ADAM19: variants seen among roughly 807,000 people sequenced by gnomAD.
ADAM19 encodes the protein ADAM metallopeptidase domain 19.
Under a neutral mutation model 114.7 loss-of-function variants are expected in ADAM19, and 65 were observed. That is an observed-to-expected ratio of 0.57 (90% CI 0.46 to 0.70). The LOEUF (loss-of-function observed/expected upper bound fraction) is 0.70. ADAM19 is among the 30% of genes least tolerant of loss of function. ADAM19 has a pLI of 0.00. For missense variants in ADAM19, 1,063 were observed against 1,204.7 expected (o/e 0.88, Z 1.74); for synonymous variants, 466 against 460.5 (o/e 1.01, Z -0.15).
At chr5:157,482,112 G>C (rs1754772711) in intron 21 of ADAM19, among the ~76,000 whole-genome samples, 169 bp from the exon 22 acceptor site, 1 of 152,250 alleles carries the variant, frequency 6.6e-6, no homozygotes, top group South Asian at 2.1e-4. Flanking sequence ...AGGAAGTCAG[G>C]AGAGCAAGCT....
chr5:157,534,425 G>A (rs1222169985), intron 4 of ADAM19, among the ~76,000 whole-genome samples: 8 of 152,140 alleles, frequency 5.3e-5, no homozygotes, highest in African/African-American at 7.2e-5. Flanking sequence ...TCAAGATTAC[G>A]CTACTGCACT....
intron 6 of ADAM19, 52 bp from the exon 7 acceptor site, chr5:157,518,940 T>G (rs754189150): frequency 1.3e-6 from 2 of 1,515,276 alleles, no homozygotes; most frequent in South Asian, 1.1e-5. Flanking sequence ...TTGGCCTCAT[T>G]TTTAAAAAAC....
chr5:157,549,992 A>C (rs1757145151), intron 3 of ADAM19, among the ~76,000 whole-genome samples: 1 of 152,262 alleles, frequency 6.6e-6, no homozygotes, highest in Non-Finnish European at 1.5e-5. Flanking sequence ...GTAGCCAGTC[A>C]AAAAGACCAC....
intron 11 of ADAM19, 60 bp downstream of exon 11, chr5:157,505,609 G>A (rs1447210001): frequency 6.4e-6 from 10 of 1,559,994 alleles, no homozygotes; most frequent in African/African-American, 1.4e-5. Flanking sequence ...GAACCCCTGG[G>A]TCACACTGTC....
In ADAM19 at chr5:157,575,765, G is replaced by A. The variant is rs1432035530; in HGVS notation, c.-69C>T. The A allele has an allele frequency of 1.7e-6, 2 of 1,174,954 alleles. No homozygotes were observed. The highest frequency in any genetic ancestry group is 3.2e-5 in the East Asian group (1 of 31,184). The allele number at this position is 1,174,954 out of a possible 1,614,324, so 72.8% of individuals were successfully genotyped here. On this transcript the variant is annotated 5_prime_UTR_variant, in exon 1 of 23. Coordinates refer to ENST00000257527, the MANE Select transcript of ADAM19 (RefSeq NM_033274.5). ...CATACCTGCCCACTGCCCGGCGGTG[G>A]AGGCGCGTCTGGAACCCCCCGGCTC...
chr5:157,499,770 T>TAA, intron 12 of ADAM19, 108 bp from the exon 13 acceptor site: 1 of 548,460 alleles, frequency 1.8e-6, no homozygotes, highest in Non-Finnish European at 3.2e-6. Context: ...CTAGCAACTA[T>TAA]CTCTTTTTTT....
At chr5:157,533,567 G>T (rs1756682498) in intron 4 of ADAM19, among the ~76,000 whole-genome samples, 1 of 152,184 alleles carries the variant, frequency 6.6e-6, no homozygotes, top group Non-Finnish European at 1.5e-5. Context: ...GGGGAGAAGA[G>T]GGGCCGGGCC....
chr5:157,518,943 T>TA (rs1561540649), intron 6 of ADAM19, 55 bp from the exon 7 acceptor site: 23 of 1,453,798 alleles, frequency 1.6e-5, no homozygotes, highest in Admixed American at 3.4e-5. Flanking sequence ...GCCTCATTTT[T>TA]AAAAAACTGC....
chr5:157,542,112 G>C (rs1390739766), intron 3 of ADAM19, among the ~76,000 whole-genome samples: 2 of 152,074 alleles, frequency 1.3e-5, no homozygotes, highest in Non-Finnish European at 2.9e-5. Flanking sequence ...TATTTCACCT[G>C]GAGGGTCTTC....
At chr5:157,483,597 G>A (rs1185271682) in intron 21 of ADAM19, among the ~76,000 whole-genome samples, 1 of 151,898 alleles carries the variant, frequency 6.6e-6, no homozygotes, top group Non-Finnish European at 1.5e-5. Context: ...CACTGGGATG[G>A]GGTGCAAAAG....
At position 157,480,959 on chromosome 5, in the gene ADAM19, G is replaced by A. The variant is rs779492239; in HGVS notation, c.2747C>T (p.Ser916Leu). The change falls in exon 23 of 23, where the codon TCG becomes TTG. Residue 916 changes from serine (S) to leucine (L), a missense_variant. Coordinates refer to ENST00000257527, the MANE Select transcript of ADAM19 (RefSeq NM_033274.5). Reference protein sequence around the residue: ...RSQRAGGMISSKI With the variant: ...RSQRAGGMISLKI ...GCCCCTTGGACAGGTCTAGATTTTC[G>A]AGCTAATCATCCCTCCAGCCCTCTG... is the stretch of plus-strand genomic sequence containing the variant. 1.2e-5 allele frequency: 19 copies of A among 1,613,912 alleles called. No individual in the cohort carries two copies. The highest frequency in any genetic ancestry group is 1.6e-4 in the Middle Eastern group (1 of 6,082).
intron 5 of ADAM19, among the ~76,000 whole-genome samples, chr5:157,522,969 A>G (rs1252798488): frequency 6.6e-6 from 1 of 152,174 alleles, no homozygotes; most frequent in African/African-American, 2.4e-5. Flanking sequence ...GATTGAGCTA[A>G]CTGGATGCCA....
chr5:157,523,347 C>T (rs906217711), intron 5 of ADAM19, among the ~76,000 whole-genome samples: 3 of 152,058 alleles, frequency 2.0e-5, no homozygotes, highest in Admixed American at 2.0e-4. Flanking sequence ...TTTATTTGTC[C>T]CCACCAAGTC....
chr5:157,543,679 T>C (rs1391076777), intron 3 of ADAM19, among the ~76,000 whole-genome samples: 3 of 152,082 alleles, frequency 2.0e-5, no homozygotes, highest in Non-Finnish European at 4.4e-5. Flanking sequence ...AGGTTTATAA[T>C]ACTAGTCTCT....
intron 3 of ADAM19, among the ~76,000 whole-genome samples, chr5:157,551,412 CAAA>C (rs58612508): frequency 8.5e-6 from 1 of 118,262 alleles, no homozygotes; most frequent in Non-Finnish European, 1.7e-5. Context: ...CCCCCAACCC[CAAA>C]AAAAAAAAAA....
chr5:157,547,778 A>T (rs1195667592), intron 3 of ADAM19, among the ~76,000 whole-genome samples: 1 of 152,104 alleles, frequency 6.6e-6, no homozygotes, highest in Non-Finnish European at 1.5e-5. Context: ...CCACCCTATA[A>T]ATATCTCTGG....
chr5:157,522,696 G>A (rs112837501), intron 5 of ADAM19, among the ~76,000 whole-genome samples: 4 of 152,166 alleles, frequency 2.6e-5, no homozygotes, highest in Non-Finnish European at 4.4e-5. Flanking sequence ...TGAGGCAGGA[G>A]AATTGCTTGA....
intron 3 of ADAM19, among the ~76,000 whole-genome samples, chr5:157,551,406 C>A (rs1324494076): frequency 1.2e-4 from 9 of 75,670 alleles, no homozygotes; most frequent in Non-Finnish European, 2.0e-4. Context: ...TCTGTCCCCC[C>A]AACCCCAAAA....
At chr5:157,573,388 T>C (rs1757883549) in intron 1 of ADAM19, among the ~76,000 whole-genome samples, 1 of 152,212 alleles carries the variant, frequency 6.6e-6, no homozygotes, top group Non-Finnish European at 1.5e-5. Flanking sequence ...TCTGTGAAGT[T>C]ATATAATCTA....
Sources: gnomAD v4.1 joint callset for allele counts (sites outside exome capture counted in the v4.1 genomes callset) on GRCh38, gnomAD v4.1.1 for gene constraint, MANE v1.5 for transcripts, NCBI Gene and HGNC (gene_info 2026-07-23, HGNC 2026-07-21) for gene names.